Variants in ARHGAP22 observed in about 807,000 individuals in gnomAD.
The protein encoded by ARHGAP22 is Rho GTPase activating protein 22, also known as rho GTPase-activating protein 22.
In ARHGAP22, 48 loss-of-function variants were observed where a neutral mutation model predicts 59.1. The observed-to-expected ratio is 0.81, with a 90% CI of 0.64 to 1.03. ARHGAP22 has a LOEUF of 1.03. Among genes scored for constraint, ARHGAP22 ranks in the 50% least tolerant of loss-of-function variants. The probability of loss-of-function intolerance (pLI) is 0.00; values close to 1 mark genes in which losing one functional copy is unlikely to be tolerated. For synonymous variants in ARHGAP22, 445 were observed against 416.4 expected (o/e 1.07, Z -0.84); for missense variants, 1,015 against 958.7 (o/e 1.06, Z -0.78).
At chr10:48,651,819 T>C (rs775431178) in intron 1 of ARHGAP22, among the ~76,000 whole-genome samples, 62 of 152,280 alleles carry the variant, frequency 4.1e-4, no homozygotes, top group Non-Finnish European at 7.6e-4. Flanking sequence ...GTTACTGAGA[T>C]GTCCTCACTA....
intron 4 of ARHGAP22, among the ~76,000 whole-genome samples, chr10:48,464,695 G>A (rs1170268541): frequency 3.9e-5 from 6 of 152,218 alleles, no homozygotes; most frequent in Non-Finnish European, 8.8e-5. Context: ...CACCAGCACT[G>A]GTCTGGTGGA....
intron 4 of ARHGAP22, among the ~76,000 whole-genome samples, chr10:48,470,259 C>T (rs563893252): frequency 2.0e-5 from 3 of 152,172 alleles, no homozygotes; most frequent in Admixed American, 6.5e-5. Flanking sequence ...GAGTGTTGAA[C>T]GTTAGCGTCC....
intron 3 of ARHGAP22, among the ~76,000 whole-genome samples, chr10:48,535,019 G>A (rs2055214545): frequency 6.6e-6 from 1 of 152,172 alleles, no homozygotes; most frequent in Non-Finnish European, 1.5e-5. Flanking sequence ...ACTTAGCTGG[G>A]GCATAGTACT....
rs117239303 is a variant in ARHGAP22 at position 48,489,688 on chromosome 10, C to T, written c.323-9924G>A. Among the ~76,000 whole-genome samples the T allele has an allele frequency of 9.7e-3, 1,465 of 151,432 alleles. 17 individuals carry two copies. The highest frequency in any genetic ancestry group is 0.015 in the Non-Finnish European group (1,015 of 67,932). On this transcript the variant is annotated intron_variant, in intron 3 of 9. Coordinates refer to ENST00000249601, the MANE Select transcript of ARHGAP22 (RefSeq NM_021226.4). ...AATTGTCTGTGTGGCCACTGTGTTTCCACCCCATCCCATTACACATGACAG... is the reference window on the plus strand; with the variant it reads ...AATTGTCTGTGTGGCCACTGTGTTTTCACCCCATCCCATTACACATGACAG...
chr10:48,466,230 G>A (rs1477652751), intron 4 of ARHGAP22, among the ~76,000 whole-genome samples: 1 of 149,290 alleles, frequency 6.7e-6, no homozygotes, highest in Non-Finnish European at 1.5e-5. Flanking sequence ...TGTCCCCTCC[G>A]TAGTTCGGGG....
Position 48,497,740 on chromosome 10 carries a change from A to G in ARHGAP22, c.323-17976T>C, listed in dbSNP as rs542072520. Among the ~76,000 whole-genome samples the G allele has an allele frequency of 4.6e-5, 7 of 152,256 alleles. No homozygotes were observed. In the East Asian group the frequency reaches 1.4e-3, roughly 29 times the overall value. On this transcript the variant is annotated intron_variant, in intron 3 of 9. Coordinates refer to ENST00000249601, the MANE Select transcript of ARHGAP22 (RefSeq NM_021226.4). ...AGGTCCCCCTTGGCCACAATACCTC[A>G]GTCCCAGGTGCAGCTCCTGCCACTC...
chr10:48,493,754 T>A, intron 3 of ARHGAP22: 3 of 960,460 alleles, frequency 3.1e-6, no homozygotes, highest in Non-Finnish European at 4.3e-6. Flanking sequence ...GAGGTCGGCG[T>A]GGTTGTTCTG....
At chr10:48,431,154 A>T in the ARHGAP22 span, 10 of 1,358,088 alleles carry the variant, frequency 7.4e-6, no homozygotes, top group African/African-American at 1.4e-4. Flanking sequence ...ATTGGCTCTT[A>T]GACTTTGAAA....
the ARHGAP22 span, chr10:48,430,335 C>G: frequency 6.6e-6 from 1 of 152,192 alleles, no homozygotes; most frequent in Non-Finnish European, 1.5e-5. Flanking sequence ...CTCAGGTGAT[C>G]CACCCACCTC....
intron 2 of ARHGAP22, among the ~76,000 whole-genome samples, chr10:48,559,418 C>A (rs565790967): frequency 4.6e-5 from 7 of 152,324 alleles, no homozygotes; most frequent in African/African-American, 1.7e-4. Flanking sequence ...ATCTCTAGCG[C>A]CATACAAATG....
intron 1 of ARHGAP22, among the ~76,000 whole-genome samples, chr10:48,625,391 C>A (rs759693822): frequency 2.0e-5 from 3 of 152,094 alleles, no homozygotes; most frequent in Non-Finnish European, 4.4e-5. Flanking sequence ...TGGAGTCCCA[C>A]AGAGAGTTTG....
At chr10:48,576,912 C>A (rs541162710) in intron 2 of ARHGAP22, among the ~76,000 whole-genome samples, 14 of 147,018 alleles carry the variant, frequency 9.5e-5, no homozygotes, top group Non-Finnish European at 2.0e-4. Context: ...TCCCTCCCCA[C>A]ACCGCCACCC....
chr10:48,527,581 G>A (rs2054450055), intron 3 of ARHGAP22, among the ~76,000 whole-genome samples: 1 of 152,162 alleles, frequency 6.6e-6, no homozygotes, highest in Admixed American at 6.5e-5. Context: ...CAGAAGGAAG[G>A]ATGATGGATG....
At chr10:48,622,870 G>T (rs1447500634) in intron 1 of ARHGAP22, among the ~76,000 whole-genome samples, 1 of 152,154 alleles carries the variant, frequency 6.6e-6, no homozygotes, top group Non-Finnish European at 1.5e-5. Context: ...GGAGAAGCAG[G>T]TCTCCTGCTC....
intron 1 of ARHGAP22, among the ~76,000 whole-genome samples, chr10:48,627,311 A>T (rs1327833289): frequency 2.1e-4 from 32 of 152,188 alleles, no homozygotes; most frequent in Non-Finnish European, 1.0e-4. Flanking sequence ...CGGAGTGTGG[A>T]TGGCCTGGGC....
chr10:48,566,816 C>T (rs1417610658), intron 2 of ARHGAP22, among the ~76,000 whole-genome samples: 2 of 152,288 alleles, frequency 1.3e-5, no homozygotes. Flanking sequence ...CTCAGAACAC[C>T]GGCTCCCTGC....
intron 4 of ARHGAP22, among the ~76,000 whole-genome samples, chr10:48,475,290 C>A (rs2048605736): frequency 6.6e-6 from 1 of 152,140 alleles, no homozygotes; most frequent in African/African-American, 2.4e-5. Context: ...CTCTTTCTCA[C>A]CCCTCTGCTG....
the ARHGAP22 span, among the ~76,000 whole-genome samples, chr10:48,439,755 CTA>C: frequency 6.6e-6 from 1 of 152,152 alleles, no homozygotes; most frequent in African/African-American, 2.4e-5. Context: ...TCCTCTTTGC[CTA>C]CGTTGGGTCT....
chr10:48,471,666 G>C lies in ARHGAP22; in HGVS notation c.451+7970C>G, dbSNP rs551992346. Among the ~76,000 whole-genome samples the C allele has an allele frequency of 3.3e-5, 5 of 152,156 alleles. No homozygotes were observed. The South Asian group carries it at 1.0e-3, about 32-fold the overall frequency. On this transcript the variant is annotated intron_variant, in intron 4 of 9. Transcript: ENST00000249601. ...ACACCATGGAGTTAGCCTCCACTGC[G>C]CCCTTCCTCACATCCACAGCCAGGA...
Sources: gnomAD v4.1 joint callset for allele counts (sites outside exome capture counted in the v4.1 genomes callset) on GRCh38, gnomAD v4.1.1 for gene constraint, MANE v1.5 for transcripts, NCBI Gene and HGNC (gene_info 2026-07-23, HGNC 2026-07-21) for gene names.